FAF1: variants seen among roughly 807,000 people sequenced by gnomAD.
FAF1 encodes the protein FAS-associated factor 1.
FAF1 carries 25 observed loss-of-function variants against 92.5 expected under a neutral mutation model. The ratio of observed to expected loss-of-function variants is 0.27; its 90% CI spans 0.20 to 0.38. The LOEUF (loss-of-function observed/expected upper bound fraction) is 0.38. FAF1 is among the 10% of genes least tolerant of loss of function. FAF1 has a pLI of 1.00. For synonymous variants in FAF1, 234 were observed against 273.2 expected, an observed-to-expected ratio of 0.86 and a Z score of 1.42; for missense variants, 636 against 793.3, an observed-to-expected ratio of 0.80 and a Z score of 2.38.
intron 15 of FAF1, among the ~76,000 whole-genome samples, chr1:50,494,545 C>T (rs1387950721): frequency 6.6e-6 from 1 of 152,194 alleles, no homozygotes; most frequent in Non-Finnish European, 1.5e-5. Context: ...ACTTGTCATT[C>T]AAACACTCCT....
chr1:50,454,398 TAA>T (rs1329024317), intron 18 of FAF1, among the ~76,000 whole-genome samples: 1 of 152,198 alleles, frequency 6.6e-6, no homozygotes, highest in African/African-American at 2.4e-5. Context: ...ACTTTCTCCA[TAA>T]AATCAGGCCT....
chr1:50,959,731 T>C lies in FAF1; in HGVS notation c.45+36A>G, dbSNP rs752492472. On this transcript the variant is annotated intron_variant, in intron 1 of 18. Transcript: ENST00000396153. ...CTTGTGGCACCGGAAACCCACGAGG[T>C]TGGAAGTGGGAGGGGAAGAGGGCCA... 6 of 1,582,762 alleles carry C rather than the reference T, an allele frequency of 3.8e-6. No individual in the cohort carries two copies. In the East Asian group the frequency reaches 1.4e-4, roughly 37 times the overall value.
chr1:50,512,933 A>G (rs546975519), intron 15 of FAF1, among the ~76,000 whole-genome samples: 2 of 152,266 alleles, frequency 1.3e-5, no homozygotes, highest in East Asian at 3.9e-4. Flanking sequence ...GTTGGTGTCC[A>G]TAAGTGCTTA....
At chr1:50,886,428 T>C (rs1484965469) in intron 1 of FAF1, among the ~76,000 whole-genome samples, 1 of 152,206 alleles carries the variant, frequency 6.6e-6, no homozygotes, top group Non-Finnish European at 1.5e-5. Context: ...ATGCACAATG[T>C]ACAGGTTTCT....
At chr1:50,864,527 A>C (rs1339097521) in intron 1 of FAF1, among the ~76,000 whole-genome samples, 1 of 152,112 alleles carries the variant, frequency 6.6e-6, no homozygotes, top group African/African-American at 2.4e-5. Context: ...GCCCTCAGAA[A>C]TAACACCACA....
At chr1:50,637,681 ATG>A (rs142201244) in intron 8 of FAF1, among the ~76,000 whole-genome samples, 2,438 of 137,028 alleles carry the variant, frequency 0.018, 102 homozygotes, top group East Asian at 0.16. Flanking sequence ...ACATATATAT[ATG>A]TGTGTGTGTG....
At chr1:50,851,246 A>G (rs1431480166) in intron 2 of FAF1, among the ~76,000 whole-genome samples, 1 of 152,088 alleles carries the variant, frequency 6.6e-6, no homozygotes, top group Non-Finnish European at 1.5e-5. Flanking sequence ...AAGCGGGGCT[A>G]ATTTTTGTAT....
At chr1:50,508,679 A>G (rs1434711196) in intron 15 of FAF1, among the ~76,000 whole-genome samples, 2 of 152,182 alleles carry the variant, frequency 1.3e-5, no homozygotes, top group African/African-American at 4.8e-5. Context: ...GTGAATGTAC[A>G]AAATACCCCT....
At chr1:50,958,111 C>T (rs557425366) in intron 1 of FAF1, among the ~76,000 whole-genome samples, 46 of 152,244 alleles carry the variant, frequency 3.0e-4, no homozygotes, top group African/African-American at 1.1e-3. Context: ...GCCTGGGCAA[C>T]ATGGCAAGGC....
At chr1:50,917,180 T>C (rs899734416) in intron 1 of FAF1, among the ~76,000 whole-genome samples, 1 of 152,208 alleles carries the variant, frequency 6.6e-6, no homozygotes, top group African/African-American at 2.4e-5. Context: ...TGGTTCCAGA[T>C]GGGCTAGAGT....
At chr1:50,835,445 T>G (rs1480350052) in intron 2 of FAF1, among the ~76,000 whole-genome samples, 1 of 151,826 alleles carries the variant, frequency 6.6e-6, no homozygotes, top group East Asian at 1.9e-4. Context: ...GCTTTGCAAC[T>G]TAGAACAAAT....
At chr1:50,913,161 T>C (rs994475904) in intron 1 of FAF1, among the ~76,000 whole-genome samples, 1 of 152,234 alleles carries the variant, frequency 6.6e-6, no homozygotes, top group African/African-American at 2.4e-5. Flanking sequence ...ATACATGGCA[T>C]GAGTGCAGGG....
In FAF1 at chr1:50,621,397, T is replaced by TTC. The variant is rs1653200306; in HGVS notation, c.745-25182_745-25181insGA. The stretch of plus-strand genomic sequence containing the variant: ...CCCCGATCTTTCTTTTTTTCTTTTT[T>TTC]TTTTTTTTTTTTTTTTTTTTGAGAT... On this transcript the variant is annotated intron_variant, in intron 8 of 18. Transcript: ENST00000396153. Among the ~76,000 whole-genome samples, 4 of 124,918 alleles carry TTC rather than the reference T, an allele frequency of 3.2e-5. No homozygotes were observed. In the South Asian group the frequency reaches 1.1e-3, roughly 34 times the overall value. 82.0% of individuals were successfully genotyped at this position (124,918 alleles called of 152,430 possible). A position where few individuals can be genotyped will look rare whatever the true frequency, so the allele number is the denominator to read the frequency against.
intron 17 of FAF1, among the ~76,000 whole-genome samples, chr1:50,485,415 C>A (rs1646752782): frequency 6.6e-6 from 1 of 151,880 alleles, no homozygotes; most frequent in Admixed American, 6.6e-5. Context: ...GTAATCCCAG[C>A]ACTGTGGGAG....
At chr1:50,638,630 G>A (rs1430397392) in intron 8 of FAF1, among the ~76,000 whole-genome samples, 1 of 151,840 alleles carries the variant, frequency 6.6e-6, no homozygotes, top group Non-Finnish European at 1.5e-5. Context: ...ATTTTTAGTA[G>A]AGACAGGGTT....
intron 12 of FAF1, among the ~76,000 whole-genome samples, chr1:50,568,711 G>C (rs1022617639): frequency 2.6e-5 from 4 of 152,128 alleles, no homozygotes; most frequent in Non-Finnish European, 5.9e-5. Flanking sequence ...CTAATACAAC[G>C]AGGATTGGCT....
chr1:50,588,625 A>AG (rs1426172147), intron 9 of FAF1, among the ~76,000 whole-genome samples: 1 of 152,134 alleles, frequency 6.6e-6, no homozygotes, highest in East Asian at 1.9e-4. Flanking sequence ...CTTGAGGTCT[A>AG]GGGGGGACAC....
intron 7 of FAF1, among the ~76,000 whole-genome samples, chr1:50,697,631 C>G (rs1333522422): frequency 6.6e-6 from 1 of 152,112 alleles, no homozygotes; most frequent in Admixed American, 6.5e-5. Flanking sequence ...TAAACAATGC[C>G]GGCTTTGCAA....
chr1:50,446,990 C>CTTTTTTTTTTTTTTTTTTTTTTTTTTTG, intron 18 of FAF1, among the ~76,000 whole-genome samples: 1 of 151,338 alleles, frequency 6.6e-6, no homozygotes, highest in African/African-American at 2.4e-5. Flanking sequence ...TAATAATTTT[C>CTTTTTTTTTTTTTTTTTTTTTTTTTTTG]ATAGTAACTC....
Sources: allele counts gnomAD v4.1 joint callset (sites outside exome capture counted in the v4.1 genomes callset), GRCh38; gene constraint gnomAD v4.1.1; transcripts MANE v1.5; gene names NCBI Gene and HGNC (gene_info 2026-07-23, HGNC 2026-07-21).